KIF21A: variants seen among roughly 807,000 people sequenced by gnomAD.
The protein encoded by KIF21A is kinesin-like protein KIF21A.
KIF21A carries 114 observed loss-of-function variants against 202.9 expected under a neutral mutation model. The observed-to-expected ratio is 0.56, with a 90% CI of 0.48 to 0.66. The LOEUF is 0.66. Ranked by LOEUF, KIF21A falls within the 30% of genes least tolerant of loss-of-function variation. KIF21A has a pLI of 0.00. For synonymous variants in KIF21A, 667 were observed against 670.8 expected, an observed-to-expected ratio of 0.99 and a Z score of 0.09; for missense variants, 1,677 against 1,994.9, an observed-to-expected ratio of 0.84 and a Z score of 3.04.
intron 9 of KIF21A, 111 bp from the exon 10 acceptor site, chr12:39,357,006 A>G (rs1038845086): frequency 1.5e-6 from 1 of 688,648 alleles, no homozygotes; most frequent in East Asian, 2.7e-5. Context: ...CACAATTCTT[A>G]CAGCAAATTT....
intron 1 of KIF21A, among the ~76,000 whole-genome samples, chr12:39,415,361 T>A (rs948111477): frequency 6.8e-6 from 1 of 146,060 alleles, no homozygotes; most frequent in Admixed American, 7.1e-5. Flanking sequence ...TACCTCAGCC[T>A]CCGGAGTAGC....
chr12:39,294,685 C>T (rs1339781195), intron 37 of KIF21A, among the ~76,000 whole-genome samples, 168 bp from the exon 38 acceptor site: 1 of 152,178 alleles, frequency 6.6e-6, no homozygotes, highest in East Asian at 1.9e-4. Context: ...TTAATAATAA[C>T]AGCTTATATT....
intron 1 of KIF21A, among the ~76,000 whole-genome samples, chr12:39,393,160 C>T (rs771443765): frequency 3.3e-5 from 5 of 151,950 alleles, no homozygotes; most frequent in African/African-American, 9.7e-5. Flanking sequence ...GTCTCAGCCT[C>T]GCCTGGAGGG....
rs1939849655 is a variant in KIF21A at position 39,442,860 on chromosome 12, C to T, written c.44+67G>A. On this transcript the variant is annotated intron_variant, in intron 1 of 37. Transcript: ENST00000361418. This position sits in a 1 kb window ranked among gnomAD's most constrained non-coding sequence, Gnocchi z 5.0. ...CACCCCGGTAGCCGGTGCTCCGCGC[C>T]ACAGCCAGGTCCTTGCCGCGCCCTC... is the stretch of plus-strand genomic sequence containing the variant. 3.3e-6 allele frequency: 5 copies of T among 1,509,290 alleles called. No homozygotes were observed. Among genetic ancestry groups the T allele is most frequent in the Non-Finnish European group, 4.4e-6 (5 of 1,131,582 alleles). 93.5% of individuals were successfully genotyped at this position (1,509,290 alleles called of 1,614,324 possible). A position where few individuals can be genotyped will look rare whatever the true frequency, so the allele number is the denominator to read the frequency against.
At chr12:39,385,081 A>G (rs772560733) in intron 1 of KIF21A, among the ~76,000 whole-genome samples, 1 of 152,184 alleles carries the variant, frequency 6.6e-6, no homozygotes, top group Non-Finnish European at 1.5e-5. Context: ...ATTAGAAGCA[A>G]TTCACAGGTA....
At chr12:39,370,342 T>C in intron 1 of KIF21A, 81 bp from the exon 2 acceptor site, 3 of 1,014,826 alleles carry the variant, frequency 3.0e-6, no homozygotes, top group Non-Finnish European at 4.5e-6. Context: ...TAAAAACTCT[T>C]GGCCAAATCT....
chr12:39,344,325 C>A (rs1047307694), intron 12 of KIF21A, among the ~76,000 whole-genome samples: 12 of 152,158 alleles, frequency 7.9e-5, no homozygotes, highest in African/African-American at 2.9e-4. Flanking sequence ...TCAAACAGTG[C>A]TATACTTGAG....
chr12:39,436,450 T>TATATATATATATATATA (rs1424166622), intron 1 of KIF21A, among the ~76,000 whole-genome samples: 945 of 59,980 alleles, frequency 0.016, 9 homozygotes, highest in South Asian at 0.05. Context: ...ATATATATAT[T>TATATATATATATATATA]TTTTTTTTTT....
Position 39,303,036 on chromosome 12 carries a change from C to G in KIF21A, c.4660G>C (p.Asp1554His), listed in dbSNP as rs775761627. ...TCTCTAGACCCACTAAATAGGTTAT[C>G]CCCTTGAATGGTTAGTGCTTCTATG... is the stretch of plus-strand genomic sequence containing the variant. Reference protein sequence around the residue: ...DGIEALTIQGDNLFSGSRDNG... With the variant: ...DGIEALTIQGHNLFSGSRDNG... The change falls in exon 36 of 38, where the codon GAT (aspartate) becomes CAT (histidine). Residue 1554 changes from aspartate to histidine, a missense_variant. Physicochemically the swap from Asp to His is moderately conservative, Grantham distance 81. Coordinates refer to ENST00000361418, the MANE Select transcript of KIF21A (RefSeq NM_001173464.2). The G allele has an allele frequency of 6.2e-7, 1 of 1,613,906 alleles. No individual in the cohort carries two copies.
intron 33 of KIF21A, among the ~76,000 whole-genome samples, chr12:39,307,982 A>G (rs1262515488): frequency 1.3e-5 from 2 of 152,214 alleles, no homozygotes; most frequent in Non-Finnish European, 2.9e-5. Flanking sequence ...TAAAACTCTT[A>G]CTTGGTATAC....
chr12:39,356,985 A>AT (rs1948824268), intron 9 of KIF21A, 90 bp from the exon 10 acceptor site: 5 of 734,680 alleles, frequency 6.8e-6, no homozygotes, highest in South Asian at 4.9e-5. Context: ...CAAAACAATA[A>AT]TTTTTTAAAA....
intron 31 of KIF21A, among the ~76,000 whole-genome samples, chr12:39,314,493 T>C (rs1198559627): frequency 6.6e-6 from 1 of 151,886 alleles, no homozygotes; most frequent in Non-Finnish European, 1.5e-5. Flanking sequence ...GTTGCTACTG[T>C]TAATTCTCAA....
chr12:39,431,628 T>C (rs17127126), intron 1 of KIF21A, among the ~76,000 whole-genome samples: 1,636 of 152,242 alleles, frequency 0.011, 118 homozygotes, highest in Admixed American at 0.091. Flanking sequence ...GAACGTCATC[T>C]GAAAAAAGTT....
In KIF21A at chr12:39,320,027, A is replaced by T. The variant is rs777473671; in HGVS notation, c.3672-14T>A. Reference sequence around the variant, plus strand: ...GACTGCCTGGAACTAAAGTAAAAGAAGATTCTTTAATTACCTAATTCTAAA... The same window carrying T: ...GACTGCCTGGAACTAAAGTAAAAGATGATTCTTTAATTACCTAATTCTAAA... On this transcript the variant is annotated splice_polypyrimidine_tract_variant and intron_variant, in intron 27 of 37. Coordinates refer to ENST00000361418, the MANE Select transcript of KIF21A (RefSeq NM_001173464.2). 1.4e-6 allele frequency: 2 copies of T among 1,454,520 alleles called. No individual in the cohort carries two copies. Among genetic ancestry groups the T allele is most frequent in the Non-Finnish European group, 1.9e-6 (2 of 1,040,866 alleles). 90.1% of individuals were successfully genotyped at this position (1,454,520 alleles called of 1,614,324 possible). A position where few individuals can be genotyped will look rare whatever the true frequency, so the allele number is the denominator to read the frequency against.
chr12:39,412,842 TATG>T (rs1275715008), intron 1 of KIF21A, among the ~76,000 whole-genome samples: 1 of 152,248 alleles, frequency 6.6e-6, no homozygotes. Flanking sequence ...CCCTCAAAGA[TATG>T]ATACTTAATT....
intron 11 of KIF21A, among the ~76,000 whole-genome samples, chr12:39,349,873 C>T (rs1948223597): frequency 6.6e-6 from 1 of 151,748 alleles, no homozygotes; most frequent in Non-Finnish European, 1.5e-5. Flanking sequence ...GTATAGTACA[C>T]AAGAAAAATT....
chr12:39,415,355 T>C (rs1310168584), intron 1 of KIF21A, among the ~76,000 whole-genome samples: 1 of 144,294 alleles, frequency 6.9e-6, no homozygotes, highest in Non-Finnish European at 1.5e-5. Context: ...TTCTCCTACC[T>C]CAGCCTCCGG....
chr12:39,327,697 C>G (rs909526991), intron 24 of KIF21A, among the ~76,000 whole-genome samples: 1 of 152,178 alleles, frequency 6.6e-6, no homozygotes, highest in East Asian at 1.9e-4. Context: ...CCCAGAGGAT[C>G]TCACTCAGAT....
At chr12:39,416,840 TATAG>T (rs1484999134) in intron 1 of KIF21A, among the ~76,000 whole-genome samples, 60 of 142,598 alleles carry the variant, frequency 4.2e-4, no homozygotes, top group African/African-American at 5.4e-4. Context: ...TATGTGTATA[TATAG>T]ATATGTACAT....
Sources: gnomAD v4.1 joint callset for allele counts (sites outside exome capture counted in the v4.1 genomes callset) on GRCh38, gnomAD v4.1.1 for gene constraint, Gnocchi (gnomAD v3.1) non-coding constraint, MANE v1.5 for transcripts, NCBI Gene and HGNC (gene_info 2026-07-23, HGNC 2026-07-21) for gene names.